UBE2E2: variants seen among roughly 807,000 people sequenced by gnomAD.
UBE2E2 encodes the protein ubiquitin-conjugating enzyme E2 E2.
Under a neutral mutation model 24.7 loss-of-function variants are expected in UBE2E2, and 6 were observed. That is an observed-to-expected ratio of 0.24 (90% CI 0.13 to 0.48). The LOEUF is 0.48. Ranked by LOEUF, UBE2E2 falls within the 20% of genes least tolerant of loss-of-function variation. UBE2E2 has a pLI of 0.99. For synonymous variants in UBE2E2, 104 were observed against 83.6 expected (o/e 1.24, Z -1.33); for missense variants, 169 against 245.0 (o/e 0.69, Z 2.07).
intron 3 of UBE2E2, among the ~76,000 whole-genome samples, chr3:23,234,883 G>A (rs1385715376): frequency 1.3e-5 from 2 of 152,096 alleles, no homozygotes; most frequent in Non-Finnish European, 2.9e-5. Flanking sequence ...TGGTATTGGG[G>A]GCCTGGGAAA....
At chr3:23,517,767 CAT>C (rs1431805824) in intron 4 of UBE2E2, among the ~76,000 whole-genome samples, 1 of 152,068 alleles carries the variant, frequency 6.6e-6, no homozygotes, top group Non-Finnish European at 1.5e-5. Flanking sequence ...TAAAAAGCCA[CAT>C]GTGGTGCAGT....
intron 5 of UBE2E2, among the ~76,000 whole-genome samples, chr3:23,561,577 A>G (rs1316714217): frequency 6.6e-6 from 1 of 151,586 alleles, no homozygotes. Flanking sequence ...TTCCATATGA[A>G]CTTTAAAGTA....
intron 3 of UBE2E2, among the ~76,000 whole-genome samples, chr3:23,271,820 C>T (rs1024554838): frequency 3.3e-5 from 5 of 152,186 alleles, no homozygotes; most frequent in Non-Finnish European, 7.3e-5. Context: ...TCCAAGCCCC[C>T]ACCAGATTAG....
chr3:23,501,898 CA>C (rs1274712034), intron 4 of UBE2E2, among the ~76,000 whole-genome samples: 1 of 151,542 alleles, frequency 6.6e-6, no homozygotes, highest in Non-Finnish European at 1.5e-5. Context: ...TTGGACCAGA[CA>C]ATCTCTAAGG....
At position 23,403,109 on chromosome 3, in the gene UBE2E2, A is replaced by G. The variant is rs541261932; in HGVS notation, c.228-96499A>G. Among the ~76,000 whole-genome samples the G allele has an allele frequency of 1.7e-4, 26 of 152,370 alleles. No homozygotes were observed. The South Asian group carries it at 5.4e-3, about 32-fold the overall frequency. ...TTTGTATACATTCAGAATCAAATTA[A>G]CAAAAGATAAAAAAGACTAGTGAAA... On this transcript the variant is annotated intron_variant, in intron 3 of 5. Coordinates refer to ENST00000396703, the MANE Select transcript of UBE2E2 (RefSeq NM_152653.4).
intron 3 of UBE2E2, among the ~76,000 whole-genome samples, chr3:23,254,757 G>C (rs189980198): frequency 6.6e-6 from 1 of 152,238 alleles, no homozygotes; most frequent in Admixed American, 6.5e-5. Flanking sequence ...AGGCCACAGT[G>C]AGCTGGGTTT....
intron 5 of UBE2E2, among the ~76,000 whole-genome samples, chr3:23,572,947 T>C (rs1159570040): frequency 3.3e-5 from 5 of 152,144 alleles, no homozygotes; most frequent in Admixed American, 3.3e-4. Context: ...TTGATGACAT[T>C]ATTTAGAGGG....
intron 5 of UBE2E2, among the ~76,000 whole-genome samples, chr3:23,569,794 G>A (rs556904005): frequency 5.6e-4 from 85 of 152,310 alleles, no homozygotes; most frequent in African/African-American, 2.0e-3. Flanking sequence ...TTGATTTAAT[G>A]TATGTAGCAC....
chr3:23,524,415 T>A (rs1354695515), intron 4 of UBE2E2, among the ~76,000 whole-genome samples: 1 of 152,176 alleles, frequency 6.6e-6, no homozygotes, highest in African/African-American at 2.4e-5. Context: ...CCAGGCAGGC[T>A]ATTAGAACCA....
chr3:23,518,978 A>G (rs142692897), intron 4 of UBE2E2, among the ~76,000 whole-genome samples: 113 of 152,326 alleles, frequency 7.4e-4, no homozygotes, highest in Middle Eastern at 6.8e-3. Flanking sequence ...AACATCATAT[A>G]ACAATCCTGT....
chr3:23,252,008 G>A (rs750716356), intron 3 of UBE2E2, among the ~76,000 whole-genome samples: 4 of 152,182 alleles, frequency 2.6e-5, no homozygotes, highest in African/African-American at 4.8e-5. Flanking sequence ...ACATAAATGT[G>A]CTGTAATCCA....
intron 3 of UBE2E2, among the ~76,000 whole-genome samples, chr3:23,434,437 C>T (rs1425842102): frequency 1.3e-5 from 2 of 152,064 alleles, no homozygotes; most frequent in South Asian, 2.1e-4. Flanking sequence ...CTTAACTAGA[C>T]AAAATTTAAA....
intron 3 of UBE2E2, among the ~76,000 whole-genome samples, chr3:23,461,348 T>C (rs978861232): frequency 3.3e-5 from 5 of 152,200 alleles, no homozygotes; most frequent in African/African-American, 1.2e-4. Flanking sequence ...CTAGGTAACT[T>C]ATCTTTGTCT....
At chr3:23,496,435 G>C (rs907362508) in intron 3 of UBE2E2, among the ~76,000 whole-genome samples, 4 of 152,020 alleles carry the variant, frequency 2.6e-5, no homozygotes, top group Admixed American at 2.6e-4. Context: ...CCACTCTTCT[G>C]AACTTTTTTC....
intron 3 of UBE2E2, among the ~76,000 whole-genome samples, chr3:23,371,330 CTGT>C (rs1349635598): frequency 6.6e-6 from 1 of 152,142 alleles, no homozygotes; most frequent in Non-Finnish European, 1.5e-5. Context: ...CCTGTCCAGC[CTGT>C]TAACATATTT....
chr3:23,275,968 G>A lies in UBE2E2; in HGVS notation c.227+58656G>A, dbSNP rs184038321. 2.6e-4 allele frequency among the ~76,000 whole-genome samples: 40 copies of A among 152,260 alleles called. No individual in the cohort carries two copies. The East Asian group carries it at 7.5e-3, about 29-fold the overall frequency. ...ATTTCCAGAGACTACGTATCTGAGA[G>A]GATGTCACTTAAGGGCTTTAACTGA... On this transcript the variant is annotated intron_variant, in intron 3 of 5. Coordinates refer to ENST00000396703, the MANE Select transcript of UBE2E2 (RefSeq NM_152653.4).
chr3:23,348,393 TA>T (rs1221030676), intron 3 of UBE2E2, among the ~76,000 whole-genome samples: 5 of 151,216 alleles, frequency 3.3e-5, no homozygotes, highest in Non-Finnish European at 5.9e-5. Context: ...AGCTTATTGC[TA>T]GGGTTACCAC....
intron 3 of UBE2E2, among the ~76,000 whole-genome samples, chr3:23,350,208 G>A (rs976877452): frequency 8.6e-5 from 13 of 151,912 alleles, no homozygotes; most frequent in East Asian, 1.9e-4. Context: ...ACAAACAGAA[G>A]GGACATCCAC....
chr3:23,412,406 C>T (rs913939595), intron 3 of UBE2E2, among the ~76,000 whole-genome samples: 3 of 151,642 alleles, frequency 2.0e-5, no homozygotes, highest in Non-Finnish European at 4.4e-5. Flanking sequence ...GGTTTCAGAG[C>T]ACTTTCAAAG....
Sources: allele counts gnomAD v4.1 joint callset (sites outside exome capture counted in the v4.1 genomes callset), GRCh38; gene constraint gnomAD v4.1.1; transcripts MANE v1.5; gene names NCBI Gene and HGNC (gene_info 2026-07-23, HGNC 2026-07-21).